TP63: variants seen among roughly 807,000 people sequenced by gnomAD.
The protein encoded by TP63 is tumor protein 63.
In TP63, 17 loss-of-function variants were observed where a neutral mutation model predicts 82.8. That is an observed-to-expected ratio of 0.21 (90% CI 0.14 to 0.31). The LOEUF is 0.31. Ranked by LOEUF, TP63 falls within the 10% of genes least tolerant of loss-of-function variation. The probability of loss-of-function intolerance (pLI) is 1.00; values close to 1 mark genes in which losing one functional copy is unlikely to be tolerated. For missense variants in TP63, 648 were observed against 895.3 expected, an observed-to-expected ratio of 0.72 and a Z score of 3.52; for synonymous variants, 330 against 321.7, an observed-to-expected ratio of 1.03 and a Z score of -0.28.
chr3:189,845,779 A>T (rs1714780612), intron 4 of TP63, among the ~76,000 whole-genome samples: 1 of 148,254 alleles, frequency 6.7e-6, no homozygotes, highest in Admixed American at 6.8e-5. Flanking sequence ...AGAATTAATG[A>T]TTTTTTTTTG....
At chr3:189,725,659 T>C (rs879477353) in intron 1 of TP63, among the ~76,000 whole-genome samples, 1 of 152,014 alleles carries the variant, frequency 6.6e-6, no homozygotes, top group Non-Finnish European at 1.5e-5. Flanking sequence ...GGGGAGGAAA[T>C]CCTGCTTCGG....
At chr3:189,884,407 A>G (rs1193998093) in intron 10 of TP63, among the ~76,000 whole-genome samples, 5 of 152,188 alleles carry the variant, frequency 3.3e-5, no homozygotes, top group African/African-American at 1.2e-4. Context: ...AGAAAAAACA[A>G]TAGGTGCCAG....
At chr3:189,782,257 T>G (rs1724284797) in intron 3 of TP63, among the ~76,000 whole-genome samples, 1 of 152,192 alleles carries the variant, frequency 6.6e-6, no homozygotes, top group Non-Finnish European at 1.5e-5. Flanking sequence ...GAGTGAATAC[T>G]TATTCATTAT....
intron 4 of TP63, among the ~76,000 whole-genome samples, chr3:189,816,320 G>T (rs1728178172): frequency 6.6e-6 from 1 of 152,166 alleles, no homozygotes; most frequent in African/African-American, 2.4e-5. Flanking sequence ...GGCCCTGAGT[G>T]ATGTGTACCA....
chr3:189,700,030 T>C (rs1311647080), intron 1 of TP63, among the ~76,000 whole-genome samples: 1 of 152,210 alleles, frequency 6.6e-6, no homozygotes, highest in Non-Finnish European at 1.5e-5. Flanking sequence ...ACTGCAGTGC[T>C]GAGTGGGTAA....
At chr3:189,789,037 G>A (rs776776121) in intron 3 of TP63, among the ~76,000 whole-genome samples, 5 of 151,884 alleles carry the variant, frequency 3.3e-5, no homozygotes, top group Non-Finnish European at 5.9e-5. Context: ...TAACGGGACC[G>A]GTGGTTTAAC....
At chr3:189,848,291 C>G (rs888391328) in intron 4 of TP63, among the ~76,000 whole-genome samples, 32 of 129,514 alleles carry the variant, frequency 2.5e-4, no homozygotes, top group Non-Finnish European at 3.1e-4. Context: ...CTGGAGTGCA[C>G]TGGTCTGAGG....
intron 10 of TP63, chr3:189,880,237 G>A: frequency 1.3e-6 from 2 of 1,580,176 alleles, no homozygotes; most frequent in Non-Finnish European, 1.7e-6. Context: ...ATGTGAGTGT[G>A]TGTGTGTGTA....
intron 1 of TP63, among the ~76,000 whole-genome samples, chr3:189,733,900 G>A (rs1203396666): frequency 6.6e-6 from 1 of 152,026 alleles, no homozygotes. Context: ...TTATCAGATG[G>A]TCTTCTAATT....
intron 3 of TP63, among the ~76,000 whole-genome samples, chr3:189,784,839 A>G (rs1002786079): frequency 6.6e-6 from 1 of 152,042 alleles, no homozygotes; most frequent in African/African-American, 2.4e-5. Context: ...GCTTCCTCAA[A>G]TGCTAATTCT....
At chr3:189,598,951 C>T in the TP63 span, among the ~76,000 whole-genome samples, 25 of 152,132 alleles carry the variant, frequency 1.6e-4, 1 homozygote, top group Non-Finnish European at 2.8e-4. Context: ...GGATTGGAGG[C>T]GTAACTGCGA....
intron 1 of TP63, among the ~76,000 whole-genome samples, chr3:189,716,557 A>G (rs1718972623): frequency 6.6e-6 from 1 of 152,216 alleles, no homozygotes; most frequent in African/African-American, 2.4e-5. Context: ...CAGCTTTCAC[A>G]TCAGTAAACA....
intron 1 of TP63, among the ~76,000 whole-genome samples, chr3:189,697,233 GT>G (rs60550638): frequency 3.5e-5 from 5 of 142,250 alleles, no homozygotes; most frequent in African/African-American, 7.8e-5. Context: ...TCTAGGTTCA[GT>G]TTTTTTTTTT....
the TP63 span, among the ~76,000 whole-genome samples, chr3:189,619,869 T>C: frequency 1.1e-4 from 17 of 152,156 alleles, no homozygotes; most frequent in Non-Finnish European, 1.9e-4. Context: ...CAGGAAGCCA[T>C]CCTATTTGCT....
chr3:189,702,848 T>C (rs923646895), intron 1 of TP63, among the ~76,000 whole-genome samples: 1 of 152,240 alleles, frequency 6.6e-6, no homozygotes, highest in African/African-American at 2.4e-5. Flanking sequence ...GCACCATTGA[T>C]ATGATTGGAA....
At chr3:189,824,359 A>C (rs1729118270) in intron 4 of TP63, among the ~76,000 whole-genome samples, 1 of 151,876 alleles carries the variant, frequency 6.6e-6, no homozygotes, top group Admixed American at 6.6e-5. Flanking sequence ...CAGCCTCCCC[A>C]GTAGCTAGGA....
rs758920087 is a variant in TP63 at position 189,894,303 on chromosome 3, A to T, written c.1844A>T (p.His615Leu). 6.2e-7 allele frequency: 1 copy of T among 1,613,240 alleles called. No homozygotes were observed. The highest frequency in any genetic ancestry group is 8.5e-7 in the Non-Finnish European group (1 of 1,179,788). Reference protein sequence around the residue: ...RQLHEFSSPSHLLRTPSSAST... With the variant: ...RQLHEFSSPSLLLRTPSSAST... ...CTCCACGAATTCTCCTCCCCTTCTC[A>T]TCTCCTGCGGACCCCAAGCAGTGCC... The change falls in exon 14 of 14, where the codon CAT becomes CTT. Residue 615 changes from histidine to leucine, a missense_variant. By Grantham distance (99) the His-to-Leu change is moderately conservative. Around this residue, in one of 5 missense-constraint regions of TP63, gnomAD observed 342 missense variants for 425.7 expected, o/e 0.80. Coordinates refer to ENST00000264731, the MANE Select transcript of TP63 (RefSeq NM_003722.5).
chr3:189,726,701 A>G (rs967478116), intron 1 of TP63, among the ~76,000 whole-genome samples: 2 of 152,148 alleles, frequency 1.3e-5, no homozygotes, highest in Admixed American at 6.6e-5. Flanking sequence ...TTCCAGGTCC[A>G]CATCTGATTG....
chr3:189,829,421 A>G (rs1160466717), intron 4 of TP63, among the ~76,000 whole-genome samples: 4 of 152,240 alleles, frequency 2.6e-5, no homozygotes, highest in Non-Finnish European at 5.9e-5. Context: ...CAATTCTTAG[A>G]AAATCTACTT....
Sources: allele counts gnomAD v4.1 joint callset (sites outside exome capture counted in the v4.1 genomes callset), GRCh38; gene constraint gnomAD v4.1.1; regional missense constraint gnomAD v4.1.1; transcripts MANE v1.5; gene names NCBI Gene and HGNC (gene_info 2026-07-23, HGNC 2026-07-21).